DLC1: variants seen among roughly 807,000 people sequenced by gnomAD.
The protein encoded by DLC1 is DLC1 Rho GTPase activating protein, also known as rho GTPase-activating protein 7.
Under a neutral mutation model 140.3 loss-of-function variants are expected in DLC1, and 54 were observed. The ratio of observed to expected loss-of-function variants is 0.38; its 90% CI spans 0.31 to 0.48. The LOEUF (loss-of-function observed/expected upper bound fraction) is 0.48, where lower values mean the gene tolerates loss of function less well. Ranked by LOEUF, DLC1 falls within the 20% of genes least tolerant of loss-of-function variation. The pLI, the probability that DLC1 is intolerant of heterozygous loss-of-function variation, is 0.96. For synonymous variants in DLC1, 986 were observed against 728.1 expected, an observed-to-expected ratio of 1.35 and a Z score of -5.70; for missense variants, 2,536 against 1,907.0, an observed-to-expected ratio of 1.33 and a Z score of -6.14.
chr8:13,398,286 C>T (rs1837138862), intron 3 of DLC1, among the ~76,000 whole-genome samples: 1 of 38,360 alleles, frequency 2.6e-5, no homozygotes, highest in Non-Finnish European at 5.5e-5. Flanking sequence ...GAACAATTAA[C>T]TCTTCCCCAT....
intron 6 of DLC1, among the ~76,000 whole-genome samples, chr8:13,111,587 A>T (rs1820116395): frequency 6.6e-6 from 1 of 152,186 alleles, no homozygotes; most frequent in Non-Finnish European, 1.5e-5. Flanking sequence ...ACATAAAAAG[A>T]TCCCTTGGTA....
intron 5 of DLC1, among the ~76,000 whole-genome samples, chr8:13,293,938 T>A (rs1831852938): frequency 6.6e-6 from 1 of 152,178 alleles, no homozygotes; most frequent in African/African-American, 2.4e-5. Context: ...ATAATATAGT[T>A]CTGTAGCCAA....
intron 5 of DLC1, among the ~76,000 whole-genome samples, chr8:13,136,404 A>G (rs1822562275): frequency 6.6e-6 from 1 of 152,016 alleles, no homozygotes; most frequent in African/African-American, 2.4e-5. Context: ...CTCAGTGTTT[A>G]GCTCCCACTT....
At chr8:13,166,718 T>C (rs1363404750) in intron 5 of DLC1, among the ~76,000 whole-genome samples, 2 of 151,114 alleles carry the variant, frequency 1.3e-5, no homozygotes, top group East Asian at 4.0e-4. Context: ...TTATTTAAAC[T>C]GCTGAATATA....
intron 5 of DLC1, among the ~76,000 whole-genome samples, chr8:13,151,067 G>A (rs975060282): frequency 2.0e-5 from 3 of 152,192 alleles, no homozygotes; most frequent in African/African-American, 7.2e-5. Context: ...ACCATATGAT[G>A]ATGAAATATC....
chr8:13,256,879 T>TAAAAAAA (rs570193249), intron 5 of DLC1, among the ~76,000 whole-genome samples: 1 of 105,214 alleles, frequency 9.5e-6, no homozygotes, highest in Non-Finnish European at 2.0e-5. Flanking sequence ...TCCCAGAACT[T>TAAAAAAA]AAAAAAAAAA....
chr8:13,344,339 C>T (rs1353467321), intron 4 of DLC1, among the ~76,000 whole-genome samples: 1 of 152,008 alleles, frequency 6.6e-6, no homozygotes, highest in Non-Finnish European at 1.5e-5. Context: ...ACTAAAAATA[C>T]AAAATTAGCC....
intron 5 of DLC1, chr8:13,116,283 G>A: frequency 1.1e-6 from 1 of 949,034 alleles, no homozygotes. Flanking sequence ...GGCTAATAAA[G>A]CTTCTACCTC....
chr8:13,106,767 G>C (rs756162307), intron 7 of DLC1, among the ~76,000 whole-genome samples: 1 of 152,210 alleles, frequency 6.6e-6, no homozygotes, highest in Non-Finnish European at 1.5e-5. Flanking sequence ...TGACAGTGTG[G>C]AAATCTATTT....
intron 1 of DLC1, among the ~76,000 whole-genome samples, chr8:13,590,077 A>ATATATATATATATATATATATCTC (rs11272767): frequency 0.035 from 4,990 of 144,204 alleles, 143 homozygotes; most frequent in East Asian, 0.056. Context: ...ATATATATAT[A>ATATATATATATATATATATATCTC]CAAACACATG....
intron 1 of DLC1, among the ~76,000 whole-genome samples, chr8:13,523,389 A>T (rs1434766571): frequency 1.3e-5 from 2 of 152,206 alleles, no homozygotes; most frequent in Non-Finnish European, 2.9e-5. Context: ...AATCCTAGAG[A>T]TAAAGCAAGT....
chr8:13,317,360 C>T (rs886824559), intron 4 of DLC1, among the ~76,000 whole-genome samples: 1 of 152,112 alleles, frequency 6.6e-6, no homozygotes, highest in Non-Finnish European at 1.5e-5. Context: ...GAACATTCAA[C>T]ATAAAAGCAT....
chr8:13,392,140 G>T (rs1244592859), intron 4 of DLC1, among the ~76,000 whole-genome samples: 1 of 152,116 alleles, frequency 6.6e-6, no homozygotes, highest in Non-Finnish European at 1.5e-5. Context: ...TACCCCGAAA[G>T]ATCATTGTGC....
In DLC1 at chr8:13,315,648, A is replaced by T. The variant is rs73663544; in HGVS notation, c.1315-10346T>A. ...AGCCCAACTCAATTTCTTCTATTCC[A>T]TTGATGACCTAAGTCCCCGTATTTT... On this transcript the variant is annotated intron_variant, in intron 4 of 17. Coordinates refer to ENST00000276297, the MANE Select transcript of DLC1 (RefSeq NM_182643.3). 3.5e-3 allele frequency among the ~76,000 whole-genome samples: 532 copies of T among 152,262 alleles called. 6 individuals carry two copies. The highest frequency in any genetic ancestry group is 0.011 in the African/African-American group (466 of 41,556).
At chr8:13,254,969 T>C (rs1034799465) in intron 5 of DLC1, among the ~76,000 whole-genome samples, 2 of 150,692 alleles carry the variant, frequency 1.3e-5, no homozygotes, top group African/African-American at 4.9e-5. Flanking sequence ...AAGTACTCTT[T>C]TTTTTTCTTT....
At chr8:13,103,793 T>C (rs563411571) in intron 7 of DLC1, among the ~76,000 whole-genome samples, 3 of 146,954 alleles carry the variant, frequency 2.0e-5, no homozygotes, top group East Asian at 2.0e-4. Context: ...TGAGCTGAGA[T>C]TGTGCCACTG....
At chr8:13,518,370 A>C (rs1802657838), upstream of DLC1, among the ~76,000 whole-genome samples, 1 of 152,140 alleles carries the variant, frequency 6.6e-6, no homozygotes, top group African/African-American at 2.4e-5. Flanking sequence ...CGGCCTCCCA[A>C]AGTGCTGGGT....
At chr8:13,178,537 G>A (rs1466482780) in intron 5 of DLC1, among the ~76,000 whole-genome samples, 2 of 147,274 alleles carry the variant, frequency 1.4e-5, no homozygotes, top group African/African-American at 5.0e-5. Flanking sequence ...GCACCACTGG[G>A]ACTCCAGCCT....
At chr8:13,584,025 G>C (rs1805214800) in intron 1 of DLC1, 1 of 152,434 alleles carries the variant, frequency 6.6e-6, no homozygotes, top group African/African-American at 2.4e-5. Flanking sequence ...CTGTCTGTAT[G>C]TTCTGTTGAG....
Sources: gnomAD v4.1 joint callset for allele counts (sites outside exome capture counted in the v4.1 genomes callset) on GRCh38, gnomAD v4.1.1 for gene constraint, MANE v1.5 for transcripts, NCBI Gene and HGNC (gene_info 2026-07-23, HGNC 2026-07-21) for gene names.